The following NHLRC2 variants were observed in gnomAD, a reference collection of about 807,000 sequenced individuals.
NHLRC2 encodes NHL repeat-containing protein 2.
In NHLRC2, 33 loss-of-function variants were observed where a neutral mutation model predicts 68.1. That is an observed-to-expected ratio of 0.48 (90% CI 0.37 to 0.65). The LOEUF (loss-of-function observed/expected upper bound fraction) is 0.65, where lower values mean the gene tolerates loss of function less well. Ranked by LOEUF, NHLRC2 falls within the 30% of genes least tolerant of loss-of-function variation. The pLI is 0.00. For synonymous variants in NHLRC2, 311 were observed against 309.6 expected (o/e 1.00, Z -0.05); for missense variants, 761 against 853.8 (o/e 0.89, Z 1.35).
intron 2 of NHLRC2, among the ~76,000 whole-genome samples, chr10:113,864,504 C>A (rs927702792): frequency 7.9e-5 from 12 of 152,020 alleles, no homozygotes; most frequent in African/African-American, 2.4e-4. Context: ...TGGAGACCAT[C>A]CTGGCCAACA....
At chr10:113,902,319 A>T (rs1846236157) in intron 7 of NHLRC2, 152 bp from the exon 8 acceptor site, 1 of 588,980 alleles carries the variant, frequency 1.7e-6, no homozygotes, top group Non-Finnish European at 3.0e-6. Context: ...TCTAATCTGA[A>T]TGAAGTATCC....
chr10:113,877,026 A>AG, intron 3 of NHLRC2, 50 bp downstream of exon 3: 2 of 1,096,400 alleles, frequency 1.8e-6, no homozygotes, highest in Non-Finnish European at 2.6e-6. Context: ...CAGTAAAAAA[A>AG]TAGTTCAAGG....
rs542523494 is a variant in NHLRC2, at chr10:113,905,231, G to A, written c.1924+195G>A. Reference sequence around the variant, plus strand: ...AGAGTCTTTCTTCCCTTTTATTAAAGAACAGTGTAACTCACCAAAAGTTAC... The same window carrying A: ...AGAGTCTTTCTTCCCTTTTATTAAAAAACAGTGTAACTCACCAAAAGTTAC... On this transcript the variant is annotated intron_variant, in intron 10 of 10. Coordinates refer to ENST00000369301, the MANE Select transcript of NHLRC2 (RefSeq NM_198514.4). Among the ~76,000 whole-genome samples, 86 of 152,240 alleles carry A rather than the reference G, an allele frequency of 5.6e-4. 2 individuals carry two copies. The South Asian group carries it at 0.01, about 18-fold the overall frequency.
In NHLRC2 at chr10:113,908,590, T is replaced by C; in HGVS notation, c.*54T>C. On this transcript the variant is annotated 3_prime_UTR_variant, in exon 11 of 11. Coordinates refer to ENST00000369301, the MANE Select transcript of NHLRC2 (RefSeq NM_198514.4). Reference sequence around the variant, plus strand: ...ACCACCTACTGTCTCCCATCCTGACTATCACTGTAATTTAAGGAAAGAAAA... The same window carrying C: ...ACCACCTACTGTCTCCCATCCTGACCATCACTGTAATTTAAGGAAAGAAAA... 1 of 1,585,352 alleles carries C rather than the reference T, an allele frequency of 6.3e-7. No homozygotes were observed. Among genetic ancestry groups the C allele is most frequent in the South Asian group, 1.1e-5 (1 of 89,530 alleles).
At chr10:113,861,050 T>A (rs1459926866) in intron 2 of NHLRC2, among the ~76,000 whole-genome samples, 1 of 152,100 alleles carries the variant, frequency 6.6e-6, no homozygotes, top group Non-Finnish European at 1.5e-5. Context: ...AAATTATAAG[T>A]CATACCCTCA....
In NHLRC2 at chr10:113,915,060, G is replaced by A. The variant is rs763317356; in HGVS notation, c.*6524G>A. 1 of 456,228 alleles carries A rather than the reference G, an allele frequency of 2.2e-6. No homozygotes were observed. The highest frequency in any genetic ancestry group is 1.5e-5 in the South Asian group (1 of 64,564). 28.3% of individuals were successfully genotyped at this position (456,228 alleles called of 1,614,324 possible). On this transcript the variant is annotated 3_prime_UTR_variant, in exon 11 of 11. Transcript: ENST00000369301. ...ATCCCACCTGTTTCTGAGTGTGTTG[G>A]TTTGGTTTAATTCTTTTCAAGGGTT... is the stretch of plus-strand genomic sequence containing the variant.
chr10:113,871,303 C>T (rs991166625), intron 2 of NHLRC2, among the ~76,000 whole-genome samples: 1 of 152,080 alleles, frequency 6.6e-6, no homozygotes. Flanking sequence ...GGATTACAGG[C>T]GTGAGCCACT....
intron 5 of NHLRC2, among the ~76,000 whole-genome samples, chr10:113,885,250 C>T (rs888502405): frequency 4.0e-5 from 6 of 151,896 alleles, no homozygotes; most frequent in African/African-American, 1.4e-4. Context: ...ACTTAATACT[C>T]ATAAAATAAA....
rs150975627 is a variant in NHLRC2 at position 113,904,935 on chromosome 10, C to T, written c.1823C>T (p.Ala608Val). 870 of 1,602,142 alleles carry T rather than the reference C, an allele frequency of 5.4e-4. 4 individuals carry two copies. The African/African-American group carries it at 7.5e-3, about 14-fold the overall frequency. ...AGCATTAGGCTTTCCCCCGTGACTG[C>T]GTGTGCTGGCCAGACTCTTCAGTTC... ...APSIRLSPVT[A>V]CAGQTLQFKL... Residue 608 changes from alanine (A) to valine (V), a missense_variant, in exon 10 of 11, where the codon GCG (alanine) becomes GTG (valine). Ala to Val is a moderately conservative substitution (Grantham distance 64). Coordinates refer to ENST00000369301, the MANE Select transcript of NHLRC2 (RefSeq NM_198514.4).
chr10:113,874,723 G>C (rs990552205), intron 2 of NHLRC2, among the ~76,000 whole-genome samples: 7 of 151,750 alleles, frequency 4.6e-5, no homozygotes, highest in Non-Finnish European at 1.0e-4. Flanking sequence ...ACAGGTCCCT[G>C]AGGTTCTGTT....
At chr10:113,905,996 C>T (rs1037485899) in intron 10 of NHLRC2, among the ~76,000 whole-genome samples, 8 of 152,104 alleles carry the variant, frequency 5.3e-5, no homozygotes, top group East Asian at 1.9e-4. Context: ...TTGGAGCTTG[C>T]TTTGTAGACA....
In NHLRC2 at chr10:113,912,447, TGTA is replaced by T. The variant is rs1223073031; in HGVS notation, c.*3914_*3916del. On this transcript the variant is annotated 3_prime_UTR_variant, in exon 11 of 11. Transcript: ENST00000369301. ...CATATAACTATTTTATAAACAACAT[TGTA>T]GTTATAAAGAAGCATGCCTATAGTG... 1.3e-5 allele frequency: 2 copies of T among 152,154 alleles called. No individual in the cohort carries two copies. Among genetic ancestry groups the T allele is most frequent in the Non-Finnish European group, 2.9e-5 (2 of 68,020 alleles). The allele number at this position is 152,154 out of a possible 1,614,324, so 9.4% of individuals were successfully genotyped here. A position where few individuals can be genotyped will look rare whatever the true frequency, so the allele number is the denominator to read the frequency against.
intron 10 of NHLRC2, among the ~76,000 whole-genome samples, chr10:113,907,470 T>C (rs1846287108): frequency 1.3e-5 from 2 of 152,240 alleles, no homozygotes; most frequent in Admixed American, 1.3e-4. Context: ...TCTTGAGGGC[T>C]GCCACCTTTT....
chr10:113,903,400 C>T, intron 8 of NHLRC2, 127 bp from the exon 9 acceptor site: 1 of 661,690 alleles, frequency 1.5e-6, no homozygotes, highest in Non-Finnish European at 2.7e-6. Context: ...AATAACTATT[C>T]CTTTTGTGAG....
rs544241768 is a variant in NHLRC2 at position 113,907,080 on chromosome 10, CAAAG to C, written c.1925-1195_1925-1192del. Among the ~76,000 whole-genome samples the C allele has an allele frequency of 3.8e-3, 584 of 152,298 alleles. 8 individuals are homozygous for C. Among genetic ancestry groups the C allele is most frequent in the African/African-American group, 0.013 (557 of 41,574 alleles). The stretch of plus-strand genomic sequence containing the variant: ...AGATACTCTCTAACCCAGGAATAAA[CAAAG>C]AAAGCCAAAGAGTTTTAAAGAGAAT... On this transcript the variant is annotated intron_variant, in intron 10 of 10. Transcript: ENST00000369301.
intron 5 of NHLRC2, among the ~76,000 whole-genome samples, chr10:113,886,695 A>G (rs1319089631): frequency 6.6e-6 from 1 of 152,202 alleles, no homozygotes; most frequent in East Asian, 1.9e-4. Context: ...AGATGAATGA[A>G]ATTGGACTAT....
chr10:113,890,371 T>A (rs1304116404), intron 5 of NHLRC2, among the ~76,000 whole-genome samples: 1 of 152,238 alleles, frequency 6.6e-6, no homozygotes, highest in African/African-American at 2.4e-5. Flanking sequence ...AAGACACCTG[T>A]TTTAATATTA....
chr10:113,908,666 C>G lies in NHLRC2; in HGVS notation c.*130C>G. On this transcript the variant is annotated 3_prime_UTR_variant, in exon 11 of 11. Coordinates refer to ENST00000369301, the MANE Select transcript of NHLRC2 (RefSeq NM_198514.4). ...GATGCCCATTGCTCAGTTCAGACAA[C>G]TGATATTAAAATAAAGCTATGCTCC... 1.3e-6 allele frequency: 1 copy of G among 767,572 alleles called. No homozygotes were observed. The highest frequency in any genetic ancestry group is 2.1e-6 in the Non-Finnish European group (1 of 481,722). 47.5% of individuals were successfully genotyped at this position (767,572 alleles called of 1,614,324 possible).
In NHLRC2 at chr10:113,912,072, C is replaced by T. The variant is rs937699364; in HGVS notation, c.*3536C>T. Reference sequence around the variant, plus strand: ...ACCGGTTCTCTTAAGTACGTGATTTCGTGAAGATAGCAATGGTTATGGCTT... The same window carrying T: ...ACCGGTTCTCTTAAGTACGTGATTTTGTGAAGATAGCAATGGTTATGGCTT... On this transcript the variant is annotated 3_prime_UTR_variant, in exon 11 of 11. Transcript: ENST00000369301. 2 of 152,048 alleles carry T rather than the reference C, an allele frequency of 1.3e-5. No individual in the cohort carries two copies. Among genetic ancestry groups the T allele is most frequent in the Non-Finnish European group, 2.9e-5 (2 of 68,006 alleles). The allele number at this position is 152,048 out of a possible 1,614,324, so 9.4% of individuals were successfully genotyped here.
Sources: gnomAD v4.1 joint callset for allele counts (sites outside exome capture counted in the v4.1 genomes callset) on GRCh38, gnomAD v4.1.1 for gene constraint, MANE v1.5 for transcripts, NCBI Gene and HGNC (gene_info 2026-07-23, HGNC 2026-07-21) for gene names.